CSNK1G3: variants seen among roughly 807,000 people sequenced by gnomAD.
CSNK1G3 encodes casein kinase 1 gamma 3, also known as casein kinase I isoform gamma-3.
Under a neutral mutation model 64.3 loss-of-function variants are expected in CSNK1G3, and 23 were observed. The observed-to-expected ratio is 0.36, with a 90% CI of 0.26 to 0.51. The LOEUF (loss-of-function observed/expected upper bound fraction) is 0.51, where lower values mean the gene tolerates loss of function less well. CSNK1G3 is among the 20% of genes least tolerant of loss of function. The probability of loss-of-function intolerance (pLI) is 0.96; values close to 1 mark genes in which losing one functional copy is unlikely to be tolerated. For synonymous variants in CSNK1G3, 158 were observed against 162.2 expected (o/e 0.97, Z 0.20); for missense variants, 357 against 510.5 (o/e 0.70, Z 2.90).
At chr5:123,512,748 G>A (rs1776432278) in intron 1 of CSNK1G3, among the ~76,000 whole-genome samples, 178 bp downstream of exon 1, 1 of 150,524 alleles carries the variant, frequency 6.6e-6, no homozygotes, top group Admixed American at 6.6e-5. Flanking sequence ...GGACCATGGC[G>A]GGTGGCCCGG....
chr5:123,526,468 T>C (rs1421186281), intron 1 of CSNK1G3, among the ~76,000 whole-genome samples: 1 of 152,152 alleles, frequency 6.6e-6, no homozygotes, highest in Admixed American at 6.5e-5. Context: ...CAATTAGTTA[T>C]GATTTTAAGA....
intron 1 of CSNK1G3, among the ~76,000 whole-genome samples, chr5:123,542,188 G>C (rs1781775413): frequency 6.6e-6 from 1 of 152,042 alleles, no homozygotes; most frequent in South Asian, 2.1e-4. Context: ...TAGCTAAATA[G>C]AGCTAATTAA....
chr5:123,616,267 ACTT>A (rs1561650996), exon 13 of CSNK1G3: 2 of 152,546 alleles, frequency 1.3e-5, no homozygotes, highest in South Asian at 2.1e-4. Context: ...ATGTGAAACC[ACTT>A]CTTCTTTCTT....
At chr5:123,521,472 G>T (rs530488957) in intron 1 of CSNK1G3, among the ~76,000 whole-genome samples, 2 of 152,166 alleles carry the variant, frequency 1.3e-5, no homozygotes, top group East Asian at 1.9e-4. Context: ...GATATCTATT[G>T]AAAGTCGATA....
chr5:123,519,216 G>A (rs1443787821), intron 1 of CSNK1G3, among the ~76,000 whole-genome samples: 2 of 151,602 alleles, frequency 1.3e-5, no homozygotes, highest in African/African-American at 4.9e-5. Flanking sequence ...ACCTTTCCTG[G>A]CTAATTGTTG....
At position 123,557,571 on chromosome 5, in the gene CSNK1G3, T is replaced by G; in HGVS notation, c.289+7T>G. The G allele has an allele frequency of 6.5e-7, 1 of 1,545,616 alleles. No homozygotes were observed. The highest frequency in any genetic ancestry group is 8.8e-7 in the Non-Finnish European group (1 of 1,135,872). On this transcript the variant is annotated splice_region_variant and intron_variant, in intron 4 of 12. Coordinates refer to ENST00000345990, the Ensembl canonical transcript of CSNK1G3. ...AAGCAGTTAGGATCTGGAGGTAAAGTCTTATATTAATTTTTAAATTTGAAA... is the reference window on the plus strand; with the variant it reads ...AAGCAGTTAGGATCTGGAGGTAAAGGCTTATATTAATTTTTAAATTTGAAA...
chr5:123,586,374 C>T (rs981569147), intron 6 of CSNK1G3, among the ~76,000 whole-genome samples: 3 of 151,956 alleles, frequency 2.0e-5, no homozygotes, highest in South Asian at 2.1e-4. Flanking sequence ...CAAACTATAC[C>T]CTCAGGACTA....
At chr5:123,526,470 A>C (rs1779100787) in intron 1 of CSNK1G3, among the ~76,000 whole-genome samples, 2 of 152,080 alleles carry the variant, frequency 1.3e-5, no homozygotes, top group Non-Finnish European at 2.9e-5. Flanking sequence ...ATTAGTTATG[A>C]TTTTAAGATA....
At chr5:123,521,397 G>T (rs1010281534) in intron 1 of CSNK1G3, among the ~76,000 whole-genome samples, 9 of 152,076 alleles carry the variant, frequency 5.9e-5, no homozygotes, top group Admixed American at 5.9e-4. Context: ...TTCTGCAAAT[G>T]TTTGTAGTTA....
intron 4 of CSNK1G3, among the ~76,000 whole-genome samples, chr5:123,567,919 G>A (rs1303743097): frequency 6.6e-6 from 1 of 152,156 alleles, no homozygotes; most frequent in Non-Finnish European, 1.5e-5. Flanking sequence ...AAAAATTAGT[G>A]CTTCGGGATT....
chr5:123,567,722 A>G (rs1031914448), intron 4 of CSNK1G3, among the ~76,000 whole-genome samples: 2 of 152,228 alleles, frequency 1.3e-5, no homozygotes, highest in African/African-American at 4.8e-5. Flanking sequence ...AAAGATAGTC[A>G]AAGGCTGTAT....
intron 4 of CSNK1G3, among the ~76,000 whole-genome samples, chr5:123,567,247 G>A (rs549682491): frequency 3.9e-4 from 59 of 152,238 alleles, no homozygotes; most frequent in Admixed American, 5.9e-4. Flanking sequence ...TGGGAGTTAC[G>A]ATTCAAGATG....
intron 6 of CSNK1G3, among the ~76,000 whole-genome samples, chr5:123,576,197 A>G (rs1342682396): frequency 6.6e-6 from 1 of 152,134 alleles, no homozygotes; most frequent in East Asian, 1.9e-4. Flanking sequence ...TATTTTTTGT[A>G]TTTATATAAC....
At chr5:123,536,953 T>C (rs1168265361) in intron 1 of CSNK1G3, among the ~76,000 whole-genome samples, 1 of 152,126 alleles carries the variant, frequency 6.6e-6, no homozygotes, top group East Asian at 1.9e-4. Flanking sequence ...TTGGCGAGGA[T>C]ACAGAGAAAA....
At chr5:123,576,041 T>G (rs1454885838) in intron 6 of CSNK1G3, 78 bp downstream of exon 6, 1 of 895,590 alleles carries the variant, frequency 1.1e-6, no homozygotes, top group Non-Finnish European at 1.7e-6. Context: ...TTGTTATGGT[T>G]CAGTTTTTGC....
intron 1 of CSNK1G3, among the ~76,000 whole-genome samples, chr5:123,535,878 G>T (rs1780712179): frequency 6.6e-6 from 1 of 152,042 alleles, no homozygotes; most frequent in African/African-American, 2.4e-5. Context: ...CCTAGTTTCA[G>T]ACTTGGCACT....
chr5:123,598,360 A>G, intron 10 of CSNK1G3, among the ~76,000 whole-genome samples: 1 of 152,180 alleles, frequency 6.6e-6, no homozygotes, highest in Non-Finnish European at 1.5e-5. Context: ...AAGTGTGTAA[A>G]GACATGGTGG....
chr5:123,534,453 A>G (rs1177447781), intron 1 of CSNK1G3, among the ~76,000 whole-genome samples: 1 of 152,112 alleles, frequency 6.6e-6, no homozygotes, highest in Non-Finnish European at 1.5e-5. Context: ...AGAGAAGGTT[A>G]TGCTACCTTA....
chr5:123,552,604 C>T (rs1277976737), intron 2 of CSNK1G3, among the ~76,000 whole-genome samples: 1 of 151,912 alleles, frequency 6.6e-6, no homozygotes, highest in African/African-American at 2.4e-5. Flanking sequence ...TTATCACAGC[C>T]AATTATTGAA....
Sources: allele counts gnomAD v4.1 joint callset (sites outside exome capture counted in the v4.1 genomes callset), GRCh38; gene constraint gnomAD v4.1.1; transcripts MANE v1.5; gene names NCBI Gene and HGNC (gene_info 2026-07-23, HGNC 2026-07-21).